ANXA4: variants seen among roughly 807,000 people sequenced by gnomAD.
ANXA4 encodes the protein annexin A4.
In ANXA4, 39 loss-of-function variants were observed where a neutral mutation model predicts 49.8. The ratio of observed to expected loss-of-function variants is 0.78; its 90% CI spans 0.61 to 1.02. The LOEUF is 1.02. Ranked by LOEUF, ANXA4 falls within the 50% of genes least tolerant of loss-of-function variation. The pLI, the probability that ANXA4 is intolerant of heterozygous loss-of-function variation, is 0.00. For synonymous variants in ANXA4, 134 were observed against 152.5 expected, an observed-to-expected ratio of 0.88 and a Z score of 0.89; for missense variants, 360 against 410.1, an observed-to-expected ratio of 0.88 and a Z score of 1.05.
chr2:69,689,557 A>T (rs975252138), intron 2 of ANXA4, among the ~76,000 whole-genome samples: 4 of 152,146 alleles, frequency 2.6e-5, no homozygotes, highest in Admixed American at 2.6e-4. Flanking sequence ...CTGTTCTAAG[A>T]CCCACCACCA....
intron 12 of ANXA4, among the ~76,000 whole-genome samples, chr2:69,821,678 C>T (rs1322155357): frequency 1.3e-5 from 2 of 152,082 alleles, no homozygotes; most frequent in African/African-American, 4.8e-5. Context: ...TCTTGAACTC[C>T]TGACCTCAAG....
intron 2 of ANXA4, among the ~76,000 whole-genome samples, chr2:69,688,017 G>A (rs1677849552): frequency 6.6e-6 from 1 of 152,106 alleles, no homozygotes; most frequent in Non-Finnish European, 1.5e-5. Context: ...CTAATATCCA[G>A]TCATTATTTA....
intron 2 of ANXA4, among the ~76,000 whole-genome samples, chr2:69,687,696 C>G (rs2105367651): frequency 6.6e-6 from 1 of 152,126 alleles, no homozygotes; most frequent in East Asian, 1.9e-4. Flanking sequence ...AGACGTCCCC[C>G]AAGTCTCTGA....
chr2:69,766,606 T>C (rs1208693363), intron 1 of ANXA4, among the ~76,000 whole-genome samples: 2 of 152,180 alleles, frequency 1.3e-5, no homozygotes, highest in Admixed American at 6.5e-5. Flanking sequence ...TGGCCCATGA[T>C]GTGAAATTAG....
intron 1 of ANXA4, among the ~76,000 whole-genome samples, chr2:69,758,905 C>G (rs6749078): frequency 0.51 from 77,074 of 151,822 alleles, 20,027 homozygotes; most frequent in East Asian, 0.79. Flanking sequence ...GGCTGAGCCT[C>G]GCAGATCACC....
intron 2 of ANXA4, among the ~76,000 whole-genome samples, chr2:69,706,292 CTTTTTTTTTTTTTTT>C (rs916740716): frequency 3.4e-5 from 2 of 59,292 alleles, no homozygotes; most frequent in African/African-American, 8.4e-5. Flanking sequence ...GGTACAATTC[CTTTTTTTTTTTTTTT>C]TTTTTTTTTT....
chr2:69,776,894 C>T (rs1671980957), intron 1 of ANXA4, among the ~76,000 whole-genome samples: 1 of 152,192 alleles, frequency 6.6e-6, no homozygotes, highest in African/African-American at 2.4e-5. Flanking sequence ...AGTCCTCCAC[C>T]ACTTCAGATG....
At chr2:69,691,269 G>A (rs895717084) in intron 2 of ANXA4, among the ~76,000 whole-genome samples, 8 of 151,704 alleles carry the variant, frequency 5.3e-5, no homozygotes, top group African/African-American at 7.3e-5. Context: ...GATTACAGGC[G>A]CCCACTTCCA....
At chr2:69,690,217 T>G (rs192417117) in intron 2 of ANXA4, among the ~76,000 whole-genome samples, 2 of 152,244 alleles carry the variant, frequency 1.3e-5, no homozygotes, top group East Asian at 3.9e-4. Context: ...TCCTCCCACC[T>G]ATTTATTTGT....
chr2:69,788,223 C>T lies in ANXA4; in HGVS notation c.97+82C>T. ...ACAGGAGGGTGCCATGTCTGCTGGC[C>T]ATCACGTGGGTCTTCCTTTAATAAA... On this transcript the variant is annotated intron_variant, in intron 3 of 12. Coordinates refer to ENST00000394295, the MANE Select transcript of ANXA4 (RefSeq NM_001153.5). 2.4e-6 allele frequency: 3 copies of T among 1,275,386 alleles called. No individual in the cohort carries two copies. In the East Asian group the frequency reaches 7.1e-5, roughly 30 times the overall value. 79.0% of individuals were successfully genotyped at this position (1,275,386 alleles called of 1,614,324 possible). A position where few individuals can be genotyped will look rare whatever the true frequency, so the allele number is the denominator to read the frequency against.
At chr2:69,824,079 T>C (rs1055062888) in intron 12 of ANXA4, among the ~76,000 whole-genome samples, 2 of 151,794 alleles carry the variant, frequency 1.3e-5, no homozygotes, top group African/African-American at 4.8e-5. Flanking sequence ...ACCCTGTCTC[T>C]AAAAATATAA....
At chr2:69,772,546 G>T (rs1671767857) in intron 1 of ANXA4, among the ~76,000 whole-genome samples, 5 of 152,142 alleles carry the variant, frequency 3.3e-5, no homozygotes, top group Admixed American at 2.6e-4. Context: ...GTTTTGGGGG[G>T]TGCATTTCTT....
At chr2:69,790,099 C>A (rs973282655) in intron 3 of ANXA4, among the ~76,000 whole-genome samples, 2 of 151,248 alleles carry the variant, frequency 1.3e-5, no homozygotes, top group Non-Finnish European at 2.9e-5. Context: ...AAGAGAAGTG[C>A]TTTTTTTTTG....
chr2:69,770,865 G>A lies in ANXA4; in HGVS notation c.-46-10655G>A, dbSNP rs144039929. The stretch of plus-strand genomic sequence containing the variant: ...AGCACGTTGGGAGGGTGAGGCAGAC[G>A]ATCGCTTGAGCCTAGGCATTCAAGG... On this transcript the variant is annotated intron_variant, in intron 1 of 12. Coordinates refer to ENST00000394295, the MANE Select transcript of ANXA4 (RefSeq NM_001153.5). Among the ~76,000 whole-genome samples the A allele has an allele frequency of 3.7e-3, 557 of 151,804 alleles. 3 individuals carry two copies. Among genetic ancestry groups the A allele is most frequent in the African/African-American group, 0.013 (532 of 41,356 alleles).
intron 3 of ANXA4, among the ~76,000 whole-genome samples, chr2:69,736,889 G>C (rs1432357806): frequency 6.6e-6 from 1 of 152,146 alleles, no homozygotes; most frequent in African/African-American, 2.4e-5. Flanking sequence ...GAAACCTCCA[G>C]TTCCCAGGTT....
intron 2 of ANXA4, among the ~76,000 whole-genome samples, chr2:69,714,551 C>CCATCAGTGCCCATCAGTGTA (rs1417552611): frequency 7.2e-5 from 11 of 152,190 alleles, no homozygotes; most frequent in African/African-American, 2.7e-4. Context: ...TGTATCAAAC[C>CCATCAGTGCCCATCAGTGTA]TCAGTGCTTT....
chr2:69,672,486 C>T (rs1677227850), intron 2 of ANXA4, among the ~76,000 whole-genome samples: 2 of 152,198 alleles, frequency 1.3e-5, no homozygotes, highest in South Asian at 4.1e-4. Flanking sequence ...CCTGCCCTGG[C>T]CCCCCAAAGT....
At chr2:69,714,769 G>A (rs1479548206) in intron 2 of ANXA4, among the ~76,000 whole-genome samples, 1 of 152,218 alleles carries the variant, frequency 6.6e-6, no homozygotes. Flanking sequence ...TCAGCAGGAC[G>A]TTGGGCAGGT....
At chr2:69,716,221 C>A (rs1302594821) in intron 2 of ANXA4, among the ~76,000 whole-genome samples, 8 of 152,152 alleles carry the variant, frequency 5.3e-5, no homozygotes, top group Non-Finnish European at 1.2e-4. Context: ...CTAGCCATTC[C>A]TGTGGTGGCT....
Sources: gnomAD v4.1 joint callset for allele counts (sites outside exome capture counted in the v4.1 genomes callset) on GRCh38, gnomAD v4.1.1 for gene constraint, MANE v1.5 for transcripts, NCBI Gene and HGNC (gene_info 2026-07-23, HGNC 2026-07-21) for gene names.